MACF1: variants seen among roughly 807,000 people sequenced by gnomAD.
MACF1 encodes microtubule-actin cross-linking factor 1.
Under a neutral mutation model 854.8 loss-of-function variants are expected in MACF1, and 193 were observed. That is an observed-to-expected ratio of 0.23 (90% CI 0.20 to 0.25). MACF1 has a LOEUF of 0.25. MACF1 is among the 10% of genes least tolerant of loss of function. The pLI is 1.00. For synonymous variants in MACF1, 3,185 were observed against 3,226.7 expected (o/e 0.99, Z 0.44); for missense variants, 7,722 against 8,929.1 (o/e 0.86, Z 5.45).
In MACF1 at chr1:39,406,756, A is replaced by AAAAAAAAAAAAAAAAAAAAAAAC. The variant is rs746955922; in HGVS notation, c.15817-15616_15817-15615insAAAAAAAAAAAAAAAAAAAACAA. On this transcript the variant is annotated intron_variant, in intron 58 of 100. Transcript: ENST00000564288. Reference sequence around the variant, plus strand: ...TCTCACTCAAAAAAAAAAAAAAAAAAAACATTCTTTATAATAGAATAACCA... The same window carrying AAAAAAAAAAAAAAAAAAAAAAAC: ...TCTCACTCAAAAAAAAAAAAAAAAAAAAAAAAAAAAAAAAAAAAAAAACAACATTCTTTATAATAGAATAACCA... Among the ~76,000 whole-genome samples, 118 of 116,032 alleles carry AAAAAAAAAAAAAAAAAAAAAAAC rather than the reference A, an allele frequency of 1.0e-3. 13 individuals carry two copies. Among genetic ancestry groups the AAAAAAAAAAAAAAAAAAAAAAAC allele is most frequent in the African/African-American group, 2.5e-3 (64 of 26,058 alleles). 76.1% of individuals were successfully genotyped at this position (116,032 alleles called of 152,430 possible).
At chr1:39,092,577 GTTA>G (rs1426015518) in intron 2 of MACF1, among the ~76,000 whole-genome samples, 2 of 152,204 alleles carry the variant, frequency 1.3e-5, no homozygotes, top group Non-Finnish European at 2.9e-5. Flanking sequence ...GCCCTTTGCA[GTTA>G]TTCAAGTGCT....
Position 39,486,442 on chromosome 1 carries a change from A to C in MACF1, c.*648A>C, listed in dbSNP as rs1645101313. ...TGTTTAAAGGACAAATAGCTGCTAG[A>C]ATTCAGGGGTAAATGTAAGTGTTCA... is the stretch of plus-strand genomic sequence containing the variant. On this transcript the variant is annotated 3_prime_UTR_variant, in exon 101 of 101. Transcript: ENST00000564288. 3 of 152,786 alleles carry C rather than the reference A, an allele frequency of 2.0e-5. No homozygotes were observed. The South Asian group carries it at 6.2e-4, about 32-fold the overall frequency. 9.5% of individuals were successfully genotyped at this position (152,786 alleles called of 1,614,324 possible).
At chr1:39,310,763 A>G (rs1008721796) in intron 25 of MACF1, 68 bp from the exon 26 acceptor site, 9 of 1,429,332 alleles carry the variant, frequency 6.3e-6, no homozygotes, top group Non-Finnish European at 8.5e-6. Flanking sequence ...TGCTTTCATT[A>G]GTAGGATATC....
intron 51 of MACF1, among the ~76,000 whole-genome samples, chr1:39,370,474 T>A (rs1261304771): frequency 6.6e-6 from 1 of 152,218 alleles, no homozygotes; most frequent in Admixed American, 6.5e-5. Flanking sequence ...CTTCAGCTAG[T>A]AAAGGAAAAG....
rs759460057 is a variant in MACF1 at position 39,291,989 on chromosome 1, C to T, written c.1865C>T (p.Thr622Met). The T allele has an allele frequency of 2.5e-5, 40 of 1,613,854 alleles. No individual in the cohort carries two copies. Among genetic ancestry groups the T allele is most frequent in the African/African-American group, 4.0e-5 (3 of 74,868 alleles). ...CTAGAAACACAGCAGCACATCCATA[C>T]GAGTGTAGAAGAGCTGGGCTCAAGT... ...LQLETQQHIH[T>M]SVEELGSSVK... The change falls in exon 16 of 101, where the codon ACG becomes ATG. Residue 622 changes from threonine (T) to methionine (M), a missense_variant. Around this residue, in one of 15 missense-constraint regions of MACF1, gnomAD observed 1,137 missense variants for 1,263.0 expected, o/e 0.90. Coordinates refer to ENST00000564288, the MANE Select transcript of MACF1 (RefSeq NM_001394062.1).
intron 6 of MACF1, among the ~76,000 whole-genome samples, chr1:39,263,668 A>T (rs1645191008): frequency 6.6e-6 from 1 of 152,078 alleles, no homozygotes; most frequent in Admixed American, 6.5e-5. Flanking sequence ...CATTTACAGC[A>T]GATGATCTAT....
At chr1:39,408,135 C>T (rs1457233496) in intron 58 of MACF1, among the ~76,000 whole-genome samples, 1 of 152,148 alleles carries the variant, frequency 6.6e-6, no homozygotes, top group Non-Finnish European at 1.5e-5. Flanking sequence ...TGGCTGTGCG[C>T]AACTATAAAG....
intron 58 of MACF1, among the ~76,000 whole-genome samples, chr1:39,420,864 A>ATT (rs922511626): frequency 0.073 from 9,699 of 133,230 alleles, 1,120 homozygotes; most frequent in African/African-American, 0.24. Flanking sequence ...GAGAAACCCA[A>ATT]TTTTTTTTTT....
intron 1 of MACF1, among the ~76,000 whole-genome samples, chr1:39,205,972 G>T (rs1644445584): frequency 6.6e-6 from 1 of 152,020 alleles, no homozygotes; most frequent in African/African-American, 2.4e-5. Context: ...ATACCCTTGG[G>T]TCTCATTGCC....
At chr1:39,268,870 T>C (rs1645268643) in intron 6 of MACF1, 2 of 1,289,558 alleles carry the variant, frequency 1.6e-6, no homozygotes, top group Non-Finnish European at 2.0e-6. Flanking sequence ...ACTGGAGTCA[T>C]TGAAGAGACT....
chr1:39,164,677 A>G (rs894007306), intron 2 of MACF1, among the ~76,000 whole-genome samples: 1 of 152,236 alleles, frequency 6.6e-6, no homozygotes, highest in African/African-American at 2.4e-5. Context: ...AAGAATGACC[A>G]TCAATATTGT....
chr1:39,414,093 C>T (rs1355998706), intron 58 of MACF1: 1 of 1,606,052 alleles, frequency 6.2e-7, no homozygotes, highest in East Asian at 2.2e-5. Flanking sequence ...CAGTGCCCAC[C>T]CCCGAGGAGC....
At chr1:39,180,337 C>T (rs760839468) in intron 2 of MACF1, among the ~76,000 whole-genome samples, 1 of 151,944 alleles carries the variant, frequency 6.6e-6, no homozygotes, top group Non-Finnish European at 1.5e-5. Flanking sequence ...AGATATAGGC[C>T]AGGCATGGTG....
intron 59 of MACF1, 96 bp from the exon 60 acceptor site, chr1:39,422,634 T>C: frequency 1.3e-6 from 2 of 1,538,054 alleles, no homozygotes; most frequent in Non-Finnish European, 1.8e-6. Flanking sequence ...AAATAAAAAT[T>C]TAGCAGTTGC....
intron 58 of MACF1, among the ~76,000 whole-genome samples, chr1:39,389,351 G>GTTTTTTTGTTTT (rs1641935742): frequency 1.6e-5 from 1 of 63,470 alleles, no homozygotes; most frequent in Non-Finnish European, 2.9e-5. Flanking sequence ...GTTTTTGTGT[G>GTTTTTTTGTTTT]TTTTTTTTTT....
At position 39,333,941 on chromosome 1, in the gene MACF1, T is replaced by C; in HGVS notation, c.7353T>C (p.Ala2451=). 6.2e-7 allele frequency: 1 copy of C among 1,614,086 alleles called. No individual in the cohort carries two copies. Among genetic ancestry groups the C allele is most frequent in the Non-Finnish European group, 8.5e-7 (1 of 1,179,998 alleles). The change falls in exon 37 of 101, where the codon GCT becomes GCC. Residue 2451 remains alanine, a synonymous_variant. Coordinates refer to ENST00000564288, the MANE Select transcript of MACF1 (RefSeq NM_001394062.1). ...AGAAAGCTTCCAAAGGTAGAGATGCTGAAAAAACAGTTAGGGAGAGATTAA... is the reference window on the plus strand; with the variant it reads ...AGAAAGCTTCCAAAGGTAGAGATGCCGAAAAAACAGTTAGGGAGAGATTAA... The part of the protein sequence containing the change: ...NLEKASKGRD[A]EKTVRERLIS...
intron 51 of MACF1, among the ~76,000 whole-genome samples, chr1:39,371,319 C>CA (rs764951315): frequency 0.017 from 1,365 of 80,888 alleles, 58 homozygotes; most frequent in Admixed American, 0.096. Context: ...GACTCTGTCT[C>CA]AAAAAAAAAA....
At chr1:39,258,055 T>C in intron 6 of MACF1, 27 bp downstream of exon 6, 1 of 1,580,738 alleles carries the variant, frequency 6.3e-7, no homozygotes, top group East Asian at 2.2e-5. Context: ...TTGGAATTCC[T>C]GTTGCTTTGT....
chr1:39,141,764 A>G (rs1643350295), intron 2 of MACF1, among the ~76,000 whole-genome samples: 1 of 152,166 alleles, frequency 6.6e-6, no homozygotes, highest in African/African-American at 2.4e-5. Context: ...TTCTGATTCT[A>G]CCTTAGATTT....
Sources: gnomAD v4.1 joint callset for allele counts (sites outside exome capture counted in the v4.1 genomes callset) on GRCh38, gnomAD v4.1.1 for gene constraint, gnomAD v4.1.1 regional missense constraint, MANE v1.5 for transcripts, NCBI Gene and HGNC (gene_info 2026-07-23, HGNC 2026-07-21) for gene names.